Variants in KHDC1 observed in about 807,000 individuals in gnomAD.
KHDC1 encodes KH homology domain-containing protein 1.
A neutral mutation model predicts 24.7 loss-of-function variants in KHDC1; 21 were observed. The ratio of observed to expected loss-of-function variants is 0.85; its 90% CI spans 0.60 to 1.23. The LOEUF (loss-of-function observed/expected upper bound fraction) is 1.23. Ranked by LOEUF, KHDC1 falls within the 50% of genes most tolerant of loss-of-function variation. KHDC1 has a pLI of 0.00. For synonymous variants in KHDC1, 98 were observed against 111.7 expected (o/e 0.88, Z 0.77); for missense variants, 274 against 298.5 (o/e 0.92, Z 0.61).
chr6:73,296,777 G>A (rs533426201), intron 1 of KHDC1, among the ~76,000 whole-genome samples: 9 of 152,174 alleles, frequency 5.9e-5, no homozygotes, highest in African/African-American at 2.2e-4. Context: ...ATGCCTTTAC[G>A]AATTATTTTG....
At chr6:73,254,602 A>C (rs1436190368) in intron 2 of KHDC1, among the ~76,000 whole-genome samples, 1 of 152,154 alleles carries the variant, frequency 6.6e-6, no homozygotes, top group Non-Finnish European at 1.5e-5. Flanking sequence ...AAAAATGGCA[A>C]GGTGCTAAAG....
At chr6:73,252,245 T>C (rs1043429838) in intron 2 of KHDC1, among the ~76,000 whole-genome samples, 2 of 151,944 alleles carry the variant, frequency 1.3e-5, no homozygotes, top group Non-Finnish European at 2.9e-5. Context: ...GGTCTCCCTA[T>C]GTTGCCCAGG....
rs970249097 is a variant in KHDC1, at chr6:73,265,919, T to A, written c.207-23389A>T. Among the ~76,000 whole-genome samples the A allele has an allele frequency of 5.3e-5, 8 of 152,272 alleles. No individual in the cohort carries two copies. In the East Asian group the frequency reaches 1.5e-3, roughly 29 times the overall value. On this transcript the variant is annotated intron_variant, in intron 2 of 4. Transcript: ENST00000370384. ...CTGGGCAACATGGCGAGATCCCTTT[T>A]CTTTTTCTTTTTTTTGGGGGGAGAC...
intron 2 of KHDC1, among the ~76,000 whole-genome samples, chr6:73,271,296 C>T (rs1432250133): frequency 2.0e-5 from 3 of 151,754 alleles, no homozygotes; most frequent in South Asian, 2.1e-4. Flanking sequence ...CAACCACCTC[C>T]GCCCTCTGGG....
In KHDC1 at chr6:73,248,728, T is replaced by C. The variant is rs1404753845; in HGVS notation, c.207-6198A>G. ...CTTGATTCTTTCGAATGAACAAATA[T>C]TAACCAACAATCCAATCCACTTTCA... On this transcript the variant is annotated intron_variant, in intron 2 of 4. Transcript: ENST00000370384. Among the ~76,000 whole-genome samples, 3 of 152,248 alleles carry C rather than the reference T, an allele frequency of 2.0e-5. No individual in the cohort carries two copies. The East Asian group carries it at 5.8e-4, about 29-fold the overall frequency.
chr6:73,253,423 GGCGCCTGTA>G (rs1766818514), intron 2 of KHDC1, among the ~76,000 whole-genome samples: 1 of 151,812 alleles, frequency 6.6e-6, no homozygotes, highest in African/African-American at 2.4e-5. Context: ...TGTGGTGGCA[GGCGCCTGTA>G]GTACCAGCTA....
At chr6:73,242,780 A>C (rs1766598574) in intron 2 of KHDC1, among the ~76,000 whole-genome samples, 1 of 152,162 alleles carries the variant, frequency 6.6e-6, no homozygotes, top group African/African-American at 2.4e-5. Context: ...CCCCGGAATC[A>C]AAATTTTTTC....
chr6:73,283,149 TTTTGAAGGAA>T (rs1767445816), intron 2 of KHDC1, among the ~76,000 whole-genome samples: 5 of 152,218 alleles, frequency 3.3e-5, no homozygotes, highest in African/African-American at 1.2e-4. Context: ...TATTGTAATC[TTTTGAAGGAA>T]GTCATTACGT....
intron 2 of KHDC1, among the ~76,000 whole-genome samples, chr6:73,259,588 T>C (rs768454499): frequency 3.9e-5 from 6 of 152,200 alleles, no homozygotes; most frequent in Non-Finnish European, 5.9e-5. Context: ...AAGCCAAGGA[T>C]AGATCGAAGG....
intron 2 of KHDC1, chr6:73,268,696 G>A (rs2150592100): frequency 6.6e-6 from 1 of 152,472 alleles, no homozygotes; most frequent in African/African-American, 2.4e-5. Flanking sequence ...GTTGACTGGT[G>A]CACTCACAAA....
chr6:73,295,468 C>T (rs538196713), intron 1 of KHDC1, among the ~76,000 whole-genome samples: 2 of 150,528 alleles, frequency 1.3e-5, no homozygotes, highest in Admixed American at 1.3e-4. Context: ...TTGGCAGGCC[C>T]CAGGCAGGAG....
intron 3 of KHDC1, 39 bp from the exon 3 acceptor site, chr6:73,242,276 C>G: frequency 6.2e-7 from 1 of 1,605,918 alleles, no homozygotes; most frequent in East Asian, 2.2e-5. Flanking sequence ...CTGTCAAGCA[C>G]CAGCCCTTAG....
At chr6:73,292,008 G>C in exon 2 of KHDC1, 1 of 1,613,858 alleles carries the variant, frequency 6.2e-7, no homozygotes, top group Non-Finnish European at 8.5e-7. Flanking sequence ...CTTTTGGATC[G>C]GCATCTAGTC....
At chr6:73,244,694 C>T (rs893160782) in intron 2 of KHDC1, among the ~76,000 whole-genome samples, 9 of 1,676 alleles carry the variant, frequency 5.4e-3, no homozygotes, top group East Asian at 0.026. Context: ...GGGAGGTGGG[C>T]GGGGGGGCGG....
intron 1 of KHDC1, among the ~76,000 whole-genome samples, chr6:73,302,873 T>A (rs972490906): frequency 7.2e-5 from 11 of 152,176 alleles, no homozygotes; most frequent in Non-Finnish European, 1.6e-4. Flanking sequence ...GGACAGGAGT[T>A]TGAGACCAGC....
Position 73,262,207 on chromosome 6 carries a change from G to A in KHDC1, c.207-19677C>T, listed in dbSNP as rs558596652. ...TCACTTGCCTTCTTTGTAAACCAGA[G>A]GTGATAATAGTATACCCATTTCATA... On this transcript the variant is annotated intron_variant, in intron 2 of 4. Transcript: ENST00000370384. 3.3e-5 allele frequency among the ~76,000 whole-genome samples: 5 copies of A among 152,316 alleles called. No individual in the cohort carries two copies. The East Asian group carries it at 7.7e-4, about 23-fold the overall frequency.
intron 2 of KHDC1, 110 bp from the exon 2 acceptor site, chr6:73,242,640 G>A: frequency 2.9e-6 from 4 of 1,366,498 alleles, no homozygotes; most frequent in Non-Finnish European, 4.0e-6. Flanking sequence ...CCTGCCCCTT[G>A]AACTACCTTA....
intron 1 of KHDC1, among the ~76,000 whole-genome samples, chr6:73,297,601 T>G (rs1054163209): frequency 2.6e-5 from 4 of 152,164 alleles, no homozygotes; most frequent in Non-Finnish European, 5.9e-5. Context: ...CCATTGAGGT[T>G]GAACCAATTT....
intron 2 of KHDC1, among the ~76,000 whole-genome samples, chr6:73,276,735 G>C (rs12208950): frequency 0.076 from 11,595 of 152,240 alleles, 500 homozygotes; most frequent in Non-Finnish European, 0.091. Context: ...AGTAGCCTTG[G>C]CCTCCGAGGC....
Sources: allele counts gnomAD v4.1 joint callset (sites outside exome capture counted in the v4.1 genomes callset), GRCh38; gene constraint gnomAD v4.1.1; transcripts MANE v1.5; gene names NCBI Gene and HGNC (gene_info 2026-07-23, HGNC 2026-07-21).